Variants in ARHGEF40 observed in about 807,000 individuals in gnomAD.
ARHGEF40 encodes Rho guanine nucleotide exchange factor 40, also known as Rho guanine nucleotide exchange factor (GEF) 40.
Under a neutral mutation model 165.9 loss-of-function variants are expected in ARHGEF40, and 98 were observed. The observed-to-expected ratio is 0.59, with a 90% CI of 0.50 to 0.70. ARHGEF40 has a LOEUF of 0.70. Ranked by LOEUF, ARHGEF40 falls within the 30% of genes least tolerant of loss-of-function variation. ARHGEF40 has a pLI of 0.00. For missense variants in ARHGEF40, 1,815 were observed against 1,968.0 expected (o/e 0.92, Z 1.47); for synonymous variants, 792 against 814.3 (o/e 0.97, Z 0.47).
chr14:21,080,992 G>C lies in ARHGEF40; in HGVS notation c.2616G>C (p.Leu872=). ...TTGAGAGTGGCCTCCATCGGGCCCT[G>C]CGGCTACAGCGCTTCTTCCAGCAGG... The part of the protein sequence containing the change: ...EQVESGLHRA[L]RLQRFFQQAH... Residue 872 remains leucine, a synonymous_variant, in exon 13 of 24, where the codon CTG becomes CTC. Transcript: ENST00000298694. 1.2e-6 allele frequency: 2 copies of C among 1,613,954 alleles called. No individual in the cohort carries two copies. The highest frequency in any genetic ancestry group is 1.7e-6 in the Non-Finnish European group (2 of 1,179,900).
In ARHGEF40 at chr14:21,084,078, C is replaced by T. The variant is rs756749946; in HGVS notation, c.3789+28C>T. 5.1e-6 allele frequency: 8 copies of T among 1,568,860 alleles called. No homozygotes were observed. The African/African-American group carries it at 9.5e-5, about 19-fold the overall frequency. On this transcript the variant is annotated intron_variant, in intron 17 of 23. Coordinates refer to ENST00000298694, the MANE Select transcript of ARHGEF40 (RefSeq NM_018071.5). ...GAGGCCCTAGCTCCAGTCACTGCTG[C>T]TCAAACTGCCCAGCCCTGGCCTCAG...
chr14:21,073,394 C>G lies in ARHGEF40; in HGVS notation c.201+152C>G. The G allele has an allele frequency of 1.1e-6, 1 of 884,272 alleles. No homozygotes were observed. Among genetic ancestry groups the G allele is most frequent in the Non-Finnish European group, 1.7e-6 (1 of 588,782 alleles). 54.8% of individuals were successfully genotyped at this position (884,272 alleles called of 1,614,324 possible). A position where few individuals can be genotyped will look rare whatever the true frequency, so the allele number is the denominator to read the frequency against. The stretch of plus-strand genomic sequence containing the variant: ...AATCACTTAAGCTTCATTCTCTGAC[C>G]TCTCACAAACTTTGACCTTCACAGG... On this transcript the variant is annotated intron_variant, in intron 2 of 23. Transcript: ENST00000298694. This position sits in a 1 kb window ranked among gnomAD's most constrained non-coding sequence, Gnocchi z 4.6.
At position 21,074,494 on chromosome 14, in the gene ARHGEF40, G is replaced by T; in HGVS notation, c.764G>T (p.Ser255Ile). Residue 255 changes from serine to isoleucine, a missense_variant, in exon 3 of 24, where the codon AGC (serine) becomes ATC (isoleucine). Transcript: ENST00000298694. This position sits in a 1 kb window ranked among gnomAD's most constrained non-coding sequence, Gnocchi z 4.8. ...LLEVTLPVRG[S>I]PTDAEGSPGL... is the part of the protein sequence containing the mutation. ...GAGGTGACGCTGCCCGTGAGGGGGA[G>T]CCCAACAGATGCTGAAGGCTCCCCA... 1 of 1,557,994 alleles carries T rather than the reference G, an allele frequency of 6.4e-7. No homozygotes were observed. The highest frequency in any genetic ancestry group is 8.7e-7 in the Non-Finnish European group (1 of 1,151,378).
the ARHGEF40 span, among the ~76,000 whole-genome samples, chr14:21,065,069 G>T: frequency 0.12 from 18,748 of 151,974 alleles, 1,470 homozygotes; most frequent in Admixed American, 0.2. Flanking sequence ...TACTTGGGAG[G>T]CTGAGGCAGG....
chr14:21,087,143 G>A, intron 20 of ARHGEF40, 38 bp downstream of exon 20: 1 of 1,602,740 alleles, frequency 6.2e-7, no homozygotes, highest in Non-Finnish European at 8.5e-7. Context: ...CCCCAGGAGT[G>A]AAGACCTTGA....
In ARHGEF40 at chr14:21,087,111, G is replaced by T. The variant is rs1243330024; in HGVS notation, c.4243+6G>T. 1 of 1,607,424 alleles carries T rather than the reference G, an allele frequency of 6.2e-7. No homozygotes were observed. Among genetic ancestry groups the T allele is most frequent in the Admixed American group, 1.7e-5 (1 of 58,774 alleles). ...TGCCCTGCTCACTGGAAGAGGTGAG[G>T]GCCAGGGTGCTGGGGGGTGGCCCCC... On this transcript the variant is annotated splice_donor_region_variant and intron_variant, in intron 20 of 23. Coordinates refer to ENST00000298694, the MANE Select transcript of ARHGEF40 (RefSeq NM_018071.5).
In ARHGEF40 at chr14:21,074,228, A is replaced by G. The variant is rs1013967899; in HGVS notation, c.498A>G (p.Leu166=). ...DRPTGRLSTC[L]LSAPSGIQRL... Reference sequence around the variant, plus strand: ...CAACAGGTCGCCTCAGTACCTGCCTACTGTCTGCGCCCTCTGGGATTCAGC... The same window carrying G: ...CAACAGGTCGCCTCAGTACCTGCCTGCTGTCTGCGCCCTCTGGGATTCAGC... Residue 166 remains leucine (L), a synonymous_variant, in exon 3 of 24, where the codon CTA becomes CTG. Coordinates refer to ENST00000298694, the MANE Select transcript of ARHGEF40 (RefSeq NM_018071.5). This position sits in a 1 kb window ranked among gnomAD's most constrained non-coding sequence, Gnocchi z 4.8. 1 of 1,614,132 alleles carries G rather than the reference A, an allele frequency of 6.2e-7. No homozygotes were observed. Among genetic ancestry groups the G allele is most frequent in the Admixed American group, 1.7e-5 (1 of 60,022 alleles).
chr14:21,066,325 GTT>G (rs71416998), upstream of ARHGEF40, among the ~76,000 whole-genome samples: 8 of 142,546 alleles, frequency 5.6e-5, no homozygotes, highest in Non-Finnish European at 3.1e-5. Flanking sequence ...TGTTTTTTTT[GTT>G]TTTTTTTTTT....
chr14:21,084,794 C>T lies in ARHGEF40; in HGVS notation c.3831C>T (p.Pro1277=), dbSNP rs1201184263. The T allele has an allele frequency of 6.2e-7, 1 of 1,614,176 alleles. No homozygotes were observed. The highest frequency in any genetic ancestry group is 8.5e-7 in the Non-Finnish European group (1 of 1,180,036). ...AGGGACAGCTCTTGCATCGAGACCC[C>T]TTCACTGTCATCTGTGGCCGAAAGA... ...KEQGQLLHRD[P]FTVICGRKKC... Residue 1277 remains proline (P), a synonymous_variant, in exon 18 of 24, where the codon CCC becomes CCT. Transcript: ENST00000298694.
rs1210432002 is a variant in ARHGEF40 at position 21,078,266 on chromosome 14, G to A, written c.2124G>A (p.Glu708=). ...AGCTGGAGGGAGCAGCAGAGCCAGA[G>A]GAAGAGGTATGAAATGAGATGGGAC... ...IEELEGAAEP[E]EEEAVGMPKP... Residue 708 remains glutamate (E), a synonymous_variant, in exon 9 of 24, where the codon GAG becomes GAA. Transcript: ENST00000298694. 1 of 1,613,866 alleles carries A rather than the reference G, an allele frequency of 6.2e-7. No homozygotes were observed.
At chr14:21,071,987 C>T (rs1886958399) in intron 1 of ARHGEF40, among the ~76,000 whole-genome samples, 1 of 152,074 alleles carries the variant, frequency 6.6e-6, no homozygotes, top group Admixed American at 6.5e-5. Context: ...ATGGCAAAGG[C>T]AAGGTATGGG....
chr14:21,068,962 C>G (rs1886452972), upstream of ARHGEF40, among the ~76,000 whole-genome samples: 1 of 152,258 alleles, frequency 6.6e-6, no homozygotes, highest in South Asian at 2.1e-4. Context: ...CCAACAACTG[C>G]CCAGAGGCTC....
Position 21,072,001 on chromosome 14 carries a change from A to G in ARHGEF40, c.4-1044A>G, listed in dbSNP as rs975781549. Among the ~76,000 whole-genome samples the G allele has an allele frequency of 4.6e-5, 7 of 152,250 alleles. No individual in the cohort carries two copies. Among genetic ancestry groups the G allele is most frequent in the African/African-American group, 1.4e-4 (6 of 41,462 alleles). On this transcript the variant is annotated intron_variant, in intron 1 of 23. Transcript: ENST00000298694. The surrounding 1 kb of genome is among the most constrained non-coding windows in gnomAD (Gnocchi z 4.1). ...TATGGCAAAGGCAAGGTATGGGGGTAGGGAAGGTAGAGACCAAGGTAAAGG... is the reference window on the plus strand; with the variant it reads ...TATGGCAAAGGCAAGGTATGGGGGTGGGGAAGGTAGAGACCAAGGTAAAGG...
Position 21,076,566 on chromosome 14 carries a change from T to G in ARHGEF40, c.1840T>G (p.Ser614Ala). 6.2e-7 allele frequency: 1 copy of G among 1,614,256 alleles called. No homozygotes were observed. The highest frequency in any genetic ancestry group is 8.5e-7 in the Non-Finnish European group (1 of 1,180,046). ...GGTTATTCTTTTCTGCCCTTAGGAC[T>G]CAGGAGATCCTCCCCTTGTTCAGCG... is the stretch of plus-strand genomic sequence containing the variant. ...LIPALSQLQD[S>A]GDPPLVQRLL... Residue 614 changes from serine to alanine, a missense_variant, in exon 7 of 24, where the codon TCA becomes GCA. Ser to Ala is a moderately conservative substitution (Grantham distance 99, BLOSUM62 1). Coordinates refer to ENST00000298694, the MANE Select transcript of ARHGEF40 (RefSeq NM_018071.5).
chr14:21,085,359 A>G (rs189621821), intron 18 of ARHGEF40, among the ~76,000 whole-genome samples: 19 of 152,312 alleles, frequency 1.2e-4, no homozygotes, highest in Non-Finnish European at 2.4e-4. Flanking sequence ...GCAGTGTGGA[A>G]TGGATTCTAA....
At position 21,081,246 on chromosome 14, in the gene ARHGEF40, A is replaced by G. The variant is rs575887086; in HGVS notation, c.2640+230A>G. On this transcript the variant is annotated intron_variant, in intron 13 of 23. Coordinates refer to ENST00000298694, the MANE Select transcript of ARHGEF40 (RefSeq NM_018071.5). ...GGCTGCTGTGGGGATTACACGAGGC[A>G]ATACATAAAAGCCCTTAGCACAGAG... The G allele has an allele frequency of 4.1e-5, 33 of 807,224 alleles. No homozygotes were observed. In the African/African-American group the frequency reaches 4.5e-4, roughly 11 times the overall value. The allele number at this position is 807,224 out of a possible 1,614,324, so 50.0% of individuals were successfully genotyped here. A position where few individuals can be genotyped will look rare whatever the true frequency, so the allele number is the denominator to read the frequency against.
In ARHGEF40 at chr14:21,072,277, G is replaced by C. The variant is rs1410891587; in HGVS notation, c.4-768G>C. Among the ~76,000 whole-genome samples, 1 of 152,088 alleles carries C rather than the reference G, an allele frequency of 6.6e-6. No individual in the cohort carries two copies. Among genetic ancestry groups the C allele is most frequent in the Non-Finnish European group, 1.5e-5 (1 of 68,014 alleles). ...GAGAGGTCCCACTGGAATCAGAAAA[G>C]ATCAGCTCGAATGCGCACCATCAAG... On this transcript the variant is annotated intron_variant, in intron 1 of 23. Coordinates refer to ENST00000298694, the MANE Select transcript of ARHGEF40 (RefSeq NM_018071.5). This position sits in a 1 kb window ranked among gnomAD's most constrained non-coding sequence, Gnocchi z 4.1.
At chr14:21,087,892 C>G in intron 21 of ARHGEF40, 76 bp from the exon 22 acceptor site, 1 of 1,598,086 alleles carries the variant, frequency 6.3e-7, no homozygotes, top group Non-Finnish European at 8.5e-7. Context: ...TTTTTCTTCC[C>G]TGATGGAGCA....
chr14:21,077,365 C>T (rs1025991656), intron 8 of ARHGEF40, among the ~76,000 whole-genome samples: 4 of 151,166 alleles, frequency 2.6e-5, no homozygotes, highest in Admixed American at 6.6e-5. Context: ...GTGATCCACC[C>T]GTCTCAGCCT....
Sources: gnomAD v4.1 joint callset for allele counts (sites outside exome capture counted in the v4.1 genomes callset) on GRCh38, gnomAD v4.1.1 for gene constraint, Gnocchi (gnomAD v3.1) non-coding constraint, MANE v1.5 for transcripts, NCBI Gene and HGNC (gene_info 2026-07-23, HGNC 2026-07-21) for gene names.